EXOC4: variants seen among roughly 807,000 people sequenced by gnomAD.
The protein encoded by EXOC4 is exocyst complex component 4.
A neutral mutation model predicts 107.2 loss-of-function variants in EXOC4; 71 were observed. The observed-to-expected ratio is 0.66, with a 90% CI of 0.55 to 0.81. The LOEUF (loss-of-function observed/expected upper bound fraction) is 0.81, where lower values mean the gene tolerates loss of function less well. Among genes scored for constraint, EXOC4 ranks in the 30% least tolerant of loss-of-function variants. EXOC4 has a pLI of 0.00. For missense variants in EXOC4, 1,108 were observed against 1,189.6 expected, an observed-to-expected ratio of 0.93 and a Z score of 1.01; for synonymous variants, 456 against 441.2, an observed-to-expected ratio of 1.03 and a Z score of -0.42.
chr7:133,801,948 T>C (rs1796954296), intron 10 of EXOC4, among the ~76,000 whole-genome samples: 1 of 152,242 alleles, frequency 6.6e-6, no homozygotes, highest in Non-Finnish European at 1.5e-5. Flanking sequence ...GTTCAGGATA[T>C]AGTATTGCAT....
chr7:133,311,218 A>G (rs541154423), intron 4 of EXOC4, among the ~76,000 whole-genome samples: 4 of 152,280 alleles, frequency 2.6e-5, no homozygotes, highest in Non-Finnish European at 5.9e-5. Context: ...GAATTGTTTA[A>G]AAGAATTGTG....
intron 9 of EXOC4, among the ~76,000 whole-genome samples, chr7:133,606,461 A>G (rs891045484): frequency 2.0e-4 from 30 of 151,566 alleles, no homozygotes; most frequent in Admixed American, 6.6e-5. Flanking sequence ...ATTAAACACA[A>G]TCTCCCTCTT....
At chr7:133,955,626 C>G (rs1800799903) in intron 14 of EXOC4, among the ~76,000 whole-genome samples, 1 of 152,210 alleles carries the variant, frequency 6.6e-6, no homozygotes, top group African/African-American at 2.4e-5. Context: ...TGGGGCTTCA[C>G]CGGGGACCTG....
intron 6 of EXOC4, among the ~76,000 whole-genome samples, chr7:133,368,210 A>G (rs1796288085): frequency 6.6e-6 from 1 of 152,196 alleles, no homozygotes; most frequent in Non-Finnish European, 1.5e-5. Flanking sequence ...CTCTCAGTTC[A>G]TTGTAATAGT....
intron 10 of EXOC4, among the ~76,000 whole-genome samples, chr7:133,641,235 C>A (rs1449068673): frequency 6.6e-6 from 1 of 151,964 alleles, no homozygotes; most frequent in Non-Finnish European, 1.5e-5. Context: ...CCTTCTGGTC[C>A]CTAACAGGCA....
chr7:133,537,302 C>CCCCG (rs1554469175), intron 9 of EXOC4, among the ~76,000 whole-genome samples: 27 of 148,786 alleles, frequency 1.8e-4, no homozygotes, highest in African/African-American at 6.3e-4. Context: ...AGGCACCCCC[C>CCCCG]CCCCCACCAC....
intron 6 of EXOC4, among the ~76,000 whole-genome samples, chr7:133,372,656 T>A (rs1480110741): frequency 6.6e-6 from 1 of 152,122 alleles, no homozygotes; most frequent in Admixed American, 6.5e-5. Context: ...GATAACCAGA[T>A]AACAGCACCC....
intron 10 of EXOC4, among the ~76,000 whole-genome samples, chr7:133,725,606 C>A (rs1335421070): frequency 6.6e-6 from 1 of 152,084 alleles, no homozygotes; most frequent in Non-Finnish European, 1.5e-5. Context: ...AAACTGCAGA[C>A]CTCAGGTTAT....
At chr7:133,682,910 C>T (rs1020481105) in intron 10 of EXOC4, among the ~76,000 whole-genome samples, 1 of 152,182 alleles carries the variant, frequency 6.6e-6, no homozygotes, top group East Asian at 1.9e-4. Flanking sequence ...GCAGACATGG[C>T]AAAGGGATGT....
At chr7:133,623,610 G>A (rs530343241) in intron 9 of EXOC4, among the ~76,000 whole-genome samples, 1 of 152,250 alleles carries the variant, frequency 6.6e-6, no homozygotes, top group African/African-American at 2.4e-5. Context: ...AGTGCAATAG[G>A]TAATTCTTTC....
chr7:134,035,193 G>A (rs1795361345), intron 17 of EXOC4, among the ~76,000 whole-genome samples: 2 of 151,864 alleles, frequency 1.3e-5, no homozygotes, highest in East Asian at 2.0e-4. Context: ...TTACAGGCAT[G>A]CGCCACCATG....
chr7:133,895,633 T>A lies in EXOC4; in HGVS notation c.1769T>A (p.Leu590His). 2 of 1,614,106 alleles carry A rather than the reference T, an allele frequency of 1.2e-6. No homozygotes were observed. The highest frequency in any genetic ancestry group is 1.7e-6 in the Non-Finnish European group (2 of 1,179,956). Residue 590 changes from leucine (L) to histidine (H), a missense_variant, in exon 12 of 18, where the codon CTC becomes CAC. Physicochemically the swap from Leu to His is moderately conservative, Grantham distance 99. Transcript: ENST00000253861. ...ATTGTGGAGAAGACAGTTCAAGACC[T>A]CCTGAACCTGATGCATGACTTGAGT... The part of the protein sequence containing the change: ...TIIVEKTVQD[L>H]LNLMHDLSAY...
chr7:133,321,563 T>C (rs1795113398), intron 5 of EXOC4, among the ~76,000 whole-genome samples: 1 of 152,194 alleles, frequency 6.6e-6, no homozygotes, highest in African/African-American at 2.4e-5. Context: ...ACTCATCCTT[T>C]TTTATGGCTG....
intron 11 of EXOC4, among the ~76,000 whole-genome samples, chr7:133,854,447 C>CACACACAT (rs1339273791): frequency 6.7e-6 from 1 of 150,286 alleles, no homozygotes; most frequent in Admixed American, 6.6e-5. Flanking sequence ...CACACACACA[C>CACACACAT]ACATACATTT....
At chr7:133,867,171 T>C (rs73155132) in intron 11 of EXOC4, among the ~76,000 whole-genome samples, 14,817 of 152,284 alleles carry the variant, frequency 0.097, 855 homozygotes, top group Middle Eastern at 0.14. Context: ...GTTCAAGCCC[T>C]GGCCCTCCCA....
At chr7:133,677,371 C>T (rs978331020) in intron 10 of EXOC4, among the ~76,000 whole-genome samples, 2 of 152,088 alleles carry the variant, frequency 1.3e-5, no homozygotes, top group African/African-American at 4.8e-5. Context: ...CATCTTTAGA[C>T]ACTTCCATCT....
intron 10 of EXOC4, among the ~76,000 whole-genome samples, chr7:133,645,468 A>G (rs770454101): frequency 1.3e-5 from 2 of 151,900 alleles, no homozygotes; most frequent in Non-Finnish European, 2.9e-5. Context: ...GGGACCTAGC[A>G]GGTTATTTCC....
At chr7:133,698,907 A>G (rs1171133863) in intron 10 of EXOC4, among the ~76,000 whole-genome samples, 1 of 152,208 alleles carries the variant, frequency 6.6e-6, no homozygotes, top group Admixed American at 6.5e-5. Context: ...ATGAAAAAGT[A>G]GGCAATAAAA....
At chr7:133,345,946 C>T (rs933095260) in intron 5 of EXOC4, among the ~76,000 whole-genome samples, 1 of 152,192 alleles carries the variant, frequency 6.6e-6, no homozygotes, top group East Asian at 1.9e-4. Context: ...CATGAATCTA[C>T]ACTCCAGGGG....
Sources: gnomAD v4.1 joint callset for allele counts (sites outside exome capture counted in the v4.1 genomes callset) on GRCh38, gnomAD v4.1.1 for gene constraint, MANE v1.5 for transcripts, NCBI Gene and HGNC (gene_info 2026-07-23, HGNC 2026-07-21) for gene names.